Variants in PDE1A observed in about 807,000 individuals in gnomAD.
The protein encoded by PDE1A is phosphodiesterase 1A, also known as dual specificity calcium/calmodulin-dependent 3',5'-cyclic nucleotide phosphodiesterase 1A.
Under a neutral mutation model 61.7 loss-of-function variants are expected in PDE1A, and 35 were observed. The ratio of observed to expected loss-of-function variants is 0.57; its 90% CI spans 0.43 to 0.75. The LOEUF (loss-of-function observed/expected upper bound fraction) is 0.75. PDE1A is among the 30% of genes least tolerant of loss of function. PDE1A has a pLI of 0.00. For missense variants in PDE1A, 597 were observed against 630.6 expected, an observed-to-expected ratio of 0.95 and a Z score of 0.57; for synonymous variants, 232 against 213.2, an observed-to-expected ratio of 1.09 and a Z score of -0.77.
chr2:182,405,358 T>C (rs1299607584), intron 1 of PDE1A, among the ~76,000 whole-genome samples: 6 of 152,234 alleles, frequency 3.9e-5, no homozygotes, highest in Non-Finnish European at 8.8e-5. Flanking sequence ...GGAGGCTTAT[T>C]GCCATCTAAT....
At chr2:182,660,236 T>C in the PDE1A span, among the ~76,000 whole-genome samples, 2 of 152,180 alleles carry the variant, frequency 1.3e-5, no homozygotes, top group Non-Finnish European at 2.9e-5. Flanking sequence ...GCTTAAGGTA[T>C]ATGCAAATAT....
chr2:182,221,216 A>G (rs1688700504), intron 7 of PDE1A, among the ~76,000 whole-genome samples: 1 of 151,974 alleles, frequency 6.6e-6, no homozygotes, highest in South Asian at 2.1e-4. Context: ...AGCTAGAGTG[A>G]TGATCTAACA....
chr2:182,145,838 A>G (rs1690466538), downstream of PDE1A, among the ~76,000 whole-genome samples: 1 of 152,250 alleles, frequency 6.6e-6, no homozygotes, highest in Non-Finnish European at 1.5e-5. Flanking sequence ...TGAATAAAAG[A>G]CAGTCTAACA....
chr2:182,414,197 GATAA>G (rs1702784144), intron 1 of PDE1A, among the ~76,000 whole-genome samples: 1 of 152,090 alleles, frequency 6.6e-6, no homozygotes, highest in Non-Finnish European at 1.5e-5. Context: ...ACATTTTGAA[GATAA>G]ATGAATGGAA....
chr2:182,476,732 T>C (rs766258511), intron 2 of PDE1A, among the ~76,000 whole-genome samples: 36 of 151,952 alleles, frequency 2.4e-4, no homozygotes, highest in Non-Finnish European at 4.4e-4. Context: ...CAGTGATCCA[T>C]TTATTTGAAA....
At chr2:182,309,189 A>C (rs1166450193) in intron 1 of PDE1A, among the ~76,000 whole-genome samples, 1 of 152,070 alleles carries the variant, frequency 6.6e-6, no homozygotes. Context: ...CTGAAAGGAG[A>C]CAAGACTTAT....
the PDE1A span, among the ~76,000 whole-genome samples, chr2:182,678,358 G>A: frequency 1.3e-5 from 2 of 152,194 alleles, no homozygotes; most frequent in African/African-American, 4.8e-5. Flanking sequence ...GGGAGGTGGA[G>A]GTTGCAGTGA....
the PDE1A span, among the ~76,000 whole-genome samples, chr2:182,532,804 C>T: frequency 0.72 from 108,865 of 151,258 alleles, 41,816 homozygotes; most frequent in East Asian, 0.99. Context: ...AAAAATTATA[C>T]GGGCGCGGTG....
At chr2:182,361,137 A>G (rs1699479558) in intron 1 of PDE1A, among the ~76,000 whole-genome samples, 1 of 152,120 alleles carries the variant, frequency 6.6e-6, no homozygotes, top group Non-Finnish European at 1.5e-5. Flanking sequence ...TTAGTGAGTG[A>G]TAGTGTAAAG....
the PDE1A span, among the ~76,000 whole-genome samples, chr2:182,609,910 A>T: frequency 6.6e-6 from 1 of 152,192 alleles, no homozygotes; most frequent in African/African-American, 2.4e-5. Flanking sequence ...CAACATGGCA[A>T]AACCCCATTT....
rs541779192 is a variant in PDE1A at position 182,141,859 on chromosome 2, A to G, written c.*1223T>C. On this transcript the variant is annotated 3_prime_UTR_variant, in exon 15 of 15. Transcript: ENST00000435564. ...CCTTTCACAAAGATAAATTCACTGA[A>G]GCTCACAATCATTGCAATGCTTGTA... The G allele has an allele frequency of 5.3e-5, 8 of 152,322 alleles. No homozygotes were observed. In the East Asian group the frequency reaches 1.4e-3, roughly 26 times the overall value. 9.4% of individuals were successfully genotyped at this position (152,322 alleles called of 1,614,324 possible).
the PDE1A span, among the ~76,000 whole-genome samples, chr2:182,710,952 TC>T: frequency 6.6e-6 from 1 of 152,214 alleles, no homozygotes; most frequent in Non-Finnish European, 1.5e-5. Flanking sequence ...TTTGTTGCTC[TC>T]CTCCAACATA....
chr2:182,342,519 T>C (rs1329359175), intron 1 of PDE1A, among the ~76,000 whole-genome samples: 2 of 152,086 alleles, frequency 1.3e-5, no homozygotes, highest in African/African-American at 4.8e-5. Flanking sequence ...TCATCTCTAC[T>C]AAAAATACAA....
chr2:182,676,172 C>A, the PDE1A span, among the ~76,000 whole-genome samples: 1 of 151,708 alleles, frequency 6.6e-6, no homozygotes, highest in South Asian at 2.1e-4. Context: ...AAAAAAGTAA[C>A]TAGTAAAGAA....
At chr2:182,644,263 C>CTGTGTGTGTGTGTG in the PDE1A span, among the ~76,000 whole-genome samples, 512 of 123,080 alleles carry the variant, frequency 4.2e-3, 7 homozygotes, top group Middle Eastern at 8.7e-3. Flanking sequence ...TCTTAAGACT[C>CTGTGTGTGTGTGTG]TGTGTGTGTG....
At chr2:182,273,344 T>A (rs1693170567) in intron 1 of PDE1A, among the ~76,000 whole-genome samples, 1 of 151,986 alleles carries the variant, frequency 6.6e-6, no homozygotes, top group South Asian at 2.1e-4. Flanking sequence ...TCAAAATTCA[T>A]CTTGAATTTA....
chr2:182,658,565 T>C, the PDE1A span, among the ~76,000 whole-genome samples: 2 of 152,222 alleles, frequency 1.3e-5, no homozygotes, highest in South Asian at 4.1e-4. Flanking sequence ...AGCATCGTGA[T>C]TCTATAATGA....
chr2:182,689,694 GA>G, the PDE1A span, among the ~76,000 whole-genome samples: 13 of 152,154 alleles, frequency 8.5e-5, no homozygotes, highest in Admixed American at 2.6e-4. Context: ...AGAACTGAAG[GA>G]GATAGAGACA....
chr2:182,378,990 A>G (rs1009230852), intron 1 of PDE1A, among the ~76,000 whole-genome samples: 2 of 152,210 alleles, frequency 1.3e-5, no homozygotes, highest in Non-Finnish European at 2.9e-5. Context: ...CCCAAGGGCA[A>G]CATGAAACAA....
Sources: gnomAD v4.1 joint callset for allele counts (sites outside exome capture counted in the v4.1 genomes callset) on GRCh38, gnomAD v4.1.1 for gene constraint, MANE v1.5 for transcripts, NCBI Gene and HGNC (gene_info 2026-07-23, HGNC 2026-07-21) for gene names.